Variants in PTRH2 observed in about 807,000 individuals in gnomAD.
PTRH2 encodes the protein peptidyl-tRNA hydrolase 2.
A neutral mutation model predicts 12.3 loss-of-function variants in PTRH2; 10 were observed. The ratio of observed to expected loss-of-function variants is 0.81; its 90% CI spans 0.50 to 1.38. PTRH2 has a LOEUF of 1.38. Among genes scored for constraint, PTRH2 ranks in the 40% most tolerant of loss-of-function variants. PTRH2 has a pLI of 0.00. For missense variants in PTRH2, 176 were observed against 214.1 expected, an observed-to-expected ratio of 0.82 and a Z score of 1.11; for synonymous variants, 73 against 77.4, an observed-to-expected ratio of 0.94 and a Z score of 0.30.
At chr17:59,701,793 C>T (rs2033558074) in intron 1 of PTRH2, among the ~76,000 whole-genome samples, 1 of 152,070 alleles carries the variant, frequency 6.6e-6, no homozygotes, top group African/African-American at 2.4e-5. Context: ...GCCAGCTCCG[C>T]CTCCCGGGTT....
chr17:59,698,905 GA>G, intron 1 of PTRH2: 1 of 716,108 alleles, frequency 1.4e-6, no homozygotes, highest in Admixed American at 2.0e-5. Context: ...CAGTGGTCCT[GA>G]AAAATGTTTG....
rs181871889 is a variant in PTRH2 at position 59,705,990 on chromosome 17, A to T, written c.-1+1381T>A. 4.8e-3 allele frequency among the ~76,000 whole-genome samples: 731 copies of T among 152,058 alleles called. 7 individuals are homozygous for T. The highest frequency in any genetic ancestry group is 0.017 in the African/African-American group (698 of 41,518). On this transcript the variant is annotated intron_variant, in intron 1 of 1. Coordinates refer to ENST00000393038, the MANE Select transcript of PTRH2 (RefSeq NM_016077.5). ...TTACCAAGTTTATTTATTATGTCCC[A>T]TATCTCAATGGAGTGTCTAATCATA...
At chr17:59,703,294 C>G (rs1272682651) in intron 1 of PTRH2, among the ~76,000 whole-genome samples, 2 of 151,412 alleles carry the variant, frequency 1.3e-5, no homozygotes, top group Non-Finnish European at 1.5e-5. Context: ...CATGTAGCTA[C>G]ATTTACAGGC....
intron 1 of PTRH2, among the ~76,000 whole-genome samples, chr17:59,702,560 A>G (rs2033572635): frequency 6.6e-6 from 1 of 152,192 alleles, no homozygotes. Flanking sequence ...CGCCTGTTCT[A>G]AAAGATACCT....
intron 1 of PTRH2, among the ~76,000 whole-genome samples, chr17:59,703,574 G>A (rs1043019252): frequency 6.6e-6 from 1 of 151,906 alleles, no homozygotes; most frequent in Non-Finnish European, 1.5e-5. Context: ...GCACAATCTC[G>A]GCTCACTGCA....
In PTRH2 at chr17:59,703,302, G is replaced by A. The variant is rs2033586691; in HGVS notation, c.-1+4069C>T. ...AGCCTCCCATGTAGCTACATTTACAGGCATGAGCCACTGTGCCTGGCTCTC... is the reference window on the plus strand; with the variant it reads ...AGCCTCCCATGTAGCTACATTTACAAGCATGAGCCACTGTGCCTGGCTCTC... On this transcript the variant is annotated intron_variant, in intron 1 of 1. Transcript: ENST00000393038. Among the ~76,000 whole-genome samples, 3 of 151,994 alleles carry A rather than the reference G, an allele frequency of 2.0e-5. No individual in the cohort carries two copies. In the South Asian group the frequency reaches 6.2e-4, roughly 32 times the overall value.
Position 59,697,874 on chromosome 17 carries a change from T to G in PTRH2, c.105A>C (p.Val35=). The G allele has an allele frequency of 6.2e-7, 1 of 1,614,164 alleles. No homozygotes were observed. Among genetic ancestry groups the G allele is most frequent in the Non-Finnish European group, 8.5e-7 (1 of 1,180,020 alleles). Reference sequence around the variant, plus strand: ...TGCTTTTGGGGAGCATCCCAAAGCATACTCGAAGGCTCCAGCCCAGGCACA... The same window carrying G: ...TGCTTTTGGGGAGCATCCCAAAGCAGACTCGAAGGCTCCAGCCCAGGCACA... ...CGMCLGWSLR[V]CFGMLPKSKT... is the part of the protein sequence containing the mutation. The change falls in exon 2 of 2, where the codon GTA becomes GTC. Residue 35 remains valine, a synonymous_variant. Coordinates refer to ENST00000393038, the MANE Select transcript of PTRH2 (RefSeq NM_016077.5).
chr17:59,697,918 C>A lies in PTRH2; in HGVS notation c.61G>T (p.Val21Phe). 1 of 1,614,154 alleles carries A rather than the reference C, an allele frequency of 6.2e-7. No individual in the cohort carries two copies. Among genetic ancestry groups the A allele is most frequent in the Non-Finnish European group, 8.5e-7 (1 of 1,180,040 alleles). Reference sequence around the variant, plus strand: ...AGGCACATGCCACAAGCAACTCCAACAGCCAAGCCGAGTGTACTGGGATGA... The same window carrying A: ...AGGCACATGCCACAAGCAACTCCAAAAGCCAAGCCGAGTGTACTGGGATGA... ...LAHPSTLGLA[V>F]GVACGMCLGW... Residue 21 changes from valine to phenylalanine, a missense_variant, in exon 2 of 2, where the codon GTT becomes TTT. By Grantham distance (50) the Val-to-Phe change is conservative. Transcript: ENST00000393038.
chr17:59,698,866 C>T, intron 1 of PTRH2: 1 of 716,362 alleles, frequency 1.4e-6, no homozygotes, highest in South Asian at 1.5e-5. Context: ...TGTATGGGTA[C>T]TCACCATTAA....
chr17:59,697,411 G>C lies in PTRH2; in HGVS notation c.*28C>G. ...TGACAGGCTTCAAACACTTGTGATGGAGGGGTTGTTGTCATATCAAAGTCC... is the reference window on the plus strand; with the variant it reads ...TGACAGGCTTCAAACACTTGTGATGCAGGGGTTGTTGTCATATCAAAGTCC... On this transcript the variant is annotated 3_prime_UTR_variant, in exon 2 of 2. Transcript: ENST00000393038. The C allele has an allele frequency of 6.4e-7, 1 of 1,573,130 alleles. No individual in the cohort carries two copies. The highest frequency in any genetic ancestry group is 8.7e-7 in the Non-Finnish European group (1 of 1,155,610).
chr17:59,705,789 T>C (rs1225154595), intron 1 of PTRH2, among the ~76,000 whole-genome samples: 1 of 151,846 alleles, frequency 6.6e-6, no homozygotes, highest in Non-Finnish European at 1.5e-5. Context: ...CACATGCCCA[T>C]ACTCCCAGCT....
At chr17:59,703,814 G>T (rs1485796760) in intron 1 of PTRH2, among the ~76,000 whole-genome samples, 1 of 150,072 alleles carries the variant, frequency 6.7e-6, no homozygotes, top group East Asian at 2.0e-4. Flanking sequence ...CCGAGCCCTT[G>T]TTCTTTTTTT....
intron 1 of PTRH2, chr17:59,701,547 C>T (rs191586257): frequency 6.6e-6 from 1 of 152,316 alleles, no homozygotes; most frequent in Admixed American, 6.5e-5. Context: ...TCCACAAATA[C>T]TGATTGACCC....
intron 1 of PTRH2, among the ~76,000 whole-genome samples, chr17:59,702,685 T>C (rs1027431330): frequency 1.3e-5 from 2 of 152,228 alleles, no homozygotes; most frequent in African/African-American, 4.8e-5. Flanking sequence ...AAACACTCTA[T>C]AGGAATTGTC....
chr17:59,704,947 C>G (rs1467008854), intron 1 of PTRH2, among the ~76,000 whole-genome samples: 1 of 152,120 alleles, frequency 6.6e-6, no homozygotes, highest in Non-Finnish European at 1.5e-5. Context: ...GCCACCACAC[C>G]TGGCTAATTT....
intron 1 of PTRH2, among the ~76,000 whole-genome samples, chr17:59,701,875 T>G (rs1364228461): frequency 1.3e-5 from 2 of 151,158 alleles, no homozygotes; most frequent in Non-Finnish European, 3.0e-5. Flanking sequence ...TTTTTTTTTT[T>G]TTGTATTTTT....
chr17:59,698,950 G>C lies in PTRH2; in HGVS notation c.1-972C>G, dbSNP rs183040232. ...AAATAGAATTAATTGCTGGATGATG[G>C]GGATGCAACAGGGTCCTCAATTTCT... On this transcript the variant is annotated intron_variant, in intron 1 of 1. Coordinates refer to ENST00000393038, the MANE Select transcript of PTRH2 (RefSeq NM_016077.5). 15 of 710,626 alleles carry C rather than the reference G, an allele frequency of 2.1e-5. No individual in the cohort carries two copies. In the African/African-American group the frequency reaches 2.3e-4, roughly 11 times the overall value. The allele number at this position is 710,626 out of a possible 1,614,324, so 44.0% of individuals were successfully genotyped here. A position where few individuals can be genotyped will look rare whatever the true frequency, so the allele number is the denominator to read the frequency against.
At chr17:59,703,374 C>T (rs1033804573) in intron 1 of PTRH2, among the ~76,000 whole-genome samples, 1 of 151,840 alleles carries the variant, frequency 6.6e-6, no homozygotes, top group Non-Finnish European at 1.5e-5. Flanking sequence ...GGATATAACC[C>T]CACCCTAAGT....
chr17:59,705,758 A>G (rs2033634546), intron 1 of PTRH2, among the ~76,000 whole-genome samples: 1 of 152,214 alleles, frequency 6.6e-6, no homozygotes, highest in South Asian at 2.1e-4. Flanking sequence ...AAAAATTTAA[A>G]TAATTAGCCA....
Sources: gnomAD v4.1 joint callset for allele counts (sites outside exome capture counted in the v4.1 genomes callset) on GRCh38, gnomAD v4.1.1 for gene constraint, MANE v1.5 for transcripts, NCBI Gene and HGNC (gene_info 2026-07-23, HGNC 2026-07-21) for gene names.